ADAM12: variants seen among roughly 807,000 people sequenced by gnomAD.
The protein encoded by ADAM12 is ADAM metallopeptidase domain 12.
Under a neutral mutation model 106.4 loss-of-function variants are expected in ADAM12, and 70 were observed. The observed-to-expected ratio is 0.66, with a 90% CI of 0.54 to 0.80. ADAM12 has a LOEUF of 0.80. ADAM12 is among the 30% of genes least tolerant of loss of function. The probability of loss-of-function intolerance (pLI) is 0.00; values close to 1 mark genes in which losing one functional copy is unlikely to be tolerated. For missense variants in ADAM12, 1,010 were observed against 1,171.9 expected, an observed-to-expected ratio of 0.86 and a Z score of 2.02; for synonymous variants, 420 against 433.5, an observed-to-expected ratio of 0.97 and a Z score of 0.39.
In ADAM12 at chr10:126,049,735, G is replaced by A; in HGVS notation, c.1610-66C>T. Reference sequence around the variant, plus strand: ...GATTTTTTTTTTTTCATGGCTGTAGGCCTCTCAAATGGTTACGGGGAGACG... The same window carrying A: ...GATTTTTTTTTTTTCATGGCTGTAGACCTCTCAAATGGTTACGGGGAGACG... On this transcript the variant is annotated intron_variant, in intron 14 of 22. Coordinates refer to ENST00000448723, the MANE Select transcript of ADAM12 (RefSeq NM_001288973.2). This position sits in a 1 kb window ranked among gnomAD's most constrained non-coding sequence, Gnocchi z 4.4. 7.1e-7 allele frequency: 1 copy of A among 1,400,620 alleles called. No homozygotes were observed. Among genetic ancestry groups the A allele is most frequent in the Non-Finnish European group, 1.0e-6 (1 of 1,002,444 alleles). 86.8% of individuals were successfully genotyped at this position (1,400,620 alleles called of 1,614,324 possible).
chr10:126,049,480 A>G lies in ADAM12; in HGVS notation c.1719-29T>C. The G allele has an allele frequency of 6.2e-7, 1 of 1,614,048 alleles. No individual in the cohort carries two copies. Among genetic ancestry groups the G allele is most frequent in the Non-Finnish European group, 8.5e-7 (1 of 1,179,890 alleles). ...GAAGGGTAAGAACAAACAATTCCCA[A>G]GGAGAAACCATTTGGAACCAACCCT... On this transcript the variant is annotated intron_variant, in intron 15 of 22. Transcript: ENST00000448723. The surrounding 1 kb of genome is among the most constrained non-coding windows in gnomAD (Gnocchi z 4.4).
rs371819124 is a variant in ADAM12 at position 126,094,158 on chromosome 10, G to T, written c.997-25C>A. The stretch of plus-strand genomic sequence containing the variant: ...CCTCAAAGAAAACACAAAAGTACAG[G>T]TGTATAATTCATATCTCCTTGGCCT... On this transcript the variant is annotated intron_variant, in intron 10 of 22. Transcript: ENST00000448723. 28 of 1,609,438 alleles carry T rather than the reference G, an allele frequency of 1.7e-5. No homozygotes were observed. In the African/African-American group the frequency reaches 3.5e-4, roughly 20 times the overall value.
intron 21 of ADAM12, among the ~76,000 whole-genome samples, chr10:126,025,358 T>C (rs1411594871): frequency 6.6e-6 from 1 of 152,170 alleles, no homozygotes; most frequent in Non-Finnish European, 1.5e-5. Context: ...ATAACTGGCC[T>C]GTTAGAGCTA....
chr10:126,024,102 A>G (rs1475974200), intron 21 of ADAM12, among the ~76,000 whole-genome samples: 1 of 152,246 alleles, frequency 6.6e-6, no homozygotes, highest in Non-Finnish European at 1.5e-5. Flanking sequence ...CAAAAAAAGT[A>G]CAACATAGAT....
At chr10:126,045,555 A>C (rs1954295218) in intron 17 of ADAM12, among the ~76,000 whole-genome samples, 1 of 152,258 alleles carries the variant, frequency 6.6e-6, no homozygotes, top group Non-Finnish European at 1.5e-5. Flanking sequence ...TTATGTTTTC[A>C]GCAATTAGAG....
chr10:126,138,800 T>C (rs1278334), intron 4 of ADAM12, among the ~76,000 whole-genome samples: 34,402 of 118,794 alleles, frequency 0.29, 3,734 homozygotes, highest in East Asian at 0.56. Flanking sequence ...CCTAAGGTCA[T>C]AAAGATCTAC....
intron 3 of ADAM12, among the ~76,000 whole-genome samples, chr10:126,203,927 T>TGCGC (rs199923779): frequency 7.6e-6 from 1 of 131,296 alleles, no homozygotes; most frequent in Admixed American, 8.2e-5. Context: ...TCAGAGTGAG[T>TGCGC]GCGCGCGCGC....
At chr10:126,150,200 A>C (rs1199224477) in intron 4 of ADAM12, among the ~76,000 whole-genome samples, 1 of 152,198 alleles carries the variant, frequency 6.6e-6, no homozygotes, top group East Asian at 1.9e-4. Flanking sequence ...TTCTGAAATA[A>C]CTATTTACAC....
intron 4 of ADAM12, among the ~76,000 whole-genome samples, chr10:126,148,100 A>G (rs961593837): frequency 2.6e-5 from 4 of 151,942 alleles, no homozygotes; most frequent in Non-Finnish European, 5.9e-5. Context: ...GCAAAGGATA[A>G]AGCCACAAAT....
intron 3 of ADAM12, among the ~76,000 whole-genome samples, chr10:126,240,845 C>T (rs1958508342): frequency 6.6e-6 from 1 of 152,314 alleles, no homozygotes; most frequent in African/African-American, 2.4e-5. Context: ...CAACACAGAG[C>T]CCCCCGGGAG....
intron 1 of ADAM12, among the ~76,000 whole-genome samples, chr10:126,376,181 A>G (rs1490551944): frequency 6.6e-6 from 1 of 152,236 alleles, no homozygotes; most frequent in Non-Finnish European, 1.5e-5. Flanking sequence ...TAGAATTTCT[A>G]TGACGTCAAT....
intron 2 of ADAM12, among the ~76,000 whole-genome samples, chr10:126,288,669 A>T (rs1390369514): frequency 6.6e-6 from 1 of 150,826 alleles, no homozygotes; most frequent in Non-Finnish European, 1.5e-5. Context: ...CCCTAAGGAC[A>T]GGATCATGCG....
chr10:126,106,421 C>T (rs1955768839), intron 8 of ADAM12, among the ~76,000 whole-genome samples: 1 of 151,904 alleles, frequency 6.6e-6, no homozygotes, highest in Non-Finnish European at 1.5e-5. Context: ...CCTTGTCCTT[C>T]TCACTTCCCC....
At chr10:126,255,989 C>A (rs113395857) in intron 3 of ADAM12, among the ~76,000 whole-genome samples, 5,100 of 152,182 alleles carry the variant, frequency 0.034, 323 homozygotes, top group African/African-American at 0.11. Flanking sequence ...TACCACCCAG[C>A]CAAAGGAATA....
At chr10:126,047,824 C>T (rs1360848635) in intron 16 of ADAM12, among the ~76,000 whole-genome samples, 2 of 152,224 alleles carry the variant, frequency 1.3e-5, no homozygotes, top group Non-Finnish European at 2.9e-5. Context: ...ATCATTCTAT[C>T]ATAAAGACAC....
At chr10:126,203,803 G>C (rs1957744335) in intron 3 of ADAM12, among the ~76,000 whole-genome samples, 2 of 152,196 alleles carry the variant, frequency 1.3e-5, no homozygotes, top group Non-Finnish European at 2.9e-5. Context: ...GACCCACAGA[G>C]ACTGTGCTAT....
intron 18 of ADAM12, among the ~76,000 whole-genome samples, chr10:126,040,731 G>A (rs1321938432): frequency 1.3e-5 from 2 of 152,096 alleles, no homozygotes; most frequent in Non-Finnish European, 2.9e-5. Flanking sequence ...AAAGTGAACA[G>A]CAAAAATCTT....
At chr10:126,224,275 C>T (rs1168289311) in intron 3 of ADAM12, among the ~76,000 whole-genome samples, 1 of 152,152 alleles carries the variant, frequency 6.6e-6, no homozygotes, top group Non-Finnish European at 1.5e-5. Context: ...ACAGGTCCTG[C>T]AGGCTCCAAG....
intron 14 of ADAM12, among the ~76,000 whole-genome samples, chr10:126,055,556 G>A (rs1269898877): frequency 6.6e-6 from 1 of 152,152 alleles, no homozygotes; most frequent in Non-Finnish European, 1.5e-5. Flanking sequence ...TAGACTCAGC[G>A]TTTTAGCAAC....
Sources: gnomAD v4.1 joint callset for allele counts (sites outside exome capture counted in the v4.1 genomes callset) on GRCh38, gnomAD v4.1.1 for gene constraint, Gnocchi (gnomAD v3.1) non-coding constraint, MANE v1.5 for transcripts, NCBI Gene and HGNC (gene_info 2026-07-23, HGNC 2026-07-21) for gene names.